JAKMIP2: variants seen among roughly 807,000 people sequenced by gnomAD.
JAKMIP2 encodes the protein janus kinase and microtubule interacting protein 2.
Under a neutral mutation model 115.0 loss-of-function variants are expected in JAKMIP2, and 25 were observed. The observed-to-expected ratio is 0.22, with a 90% CI of 0.16 to 0.30. The LOEUF is 0.30. Among genes scored for constraint, JAKMIP2 ranks in the 10% least tolerant of loss-of-function variants. JAKMIP2 has a pLI of 1.00. For missense variants in JAKMIP2, 642 were observed against 957.6 expected (o/e 0.67, Z 4.35); for synonymous variants, 334 against 343.6 (o/e 0.97, Z 0.31).
chr5:147,648,482 G>C lies in JAKMIP2; in HGVS notation c.838-8C>G. The stretch of plus-strand genomic sequence containing the variant: ...TTGATTTCTTCGCAAATCCTACAAA[G>C]AAAAATTAAAATGGGTATTTCTTCA... On this transcript the variant is annotated splice_region_variant and splice_polypyrimidine_tract_variant and intron_variant, in intron 4 of 21. Coordinates refer to ENST00000616793, the MANE Select transcript of JAKMIP2 (RefSeq NM_001270941.2). The C allele has an allele frequency of 2.0e-6, 3 of 1,517,988 alleles. No homozygotes were observed. Among genetic ancestry groups the C allele is most frequent in the Non-Finnish European group, 2.7e-6 (3 of 1,095,808 alleles). 94.0% of individuals were successfully genotyped at this position (1,517,988 alleles called of 1,614,324 possible).
rs79801275 is a variant in JAKMIP2 at position 147,639,772 on chromosome 5, GAA to G, written c.1402-14_1402-13del. The G allele has an allele frequency of 2.4e-3, 3,877 of 1,607,738 alleles. 130 individuals are homozygous for G. The East Asian group carries it at 0.065, about 27-fold the overall frequency. On this transcript the variant is annotated splice_polypyrimidine_tract_variant and intron_variant, in intron 9 of 21. Transcript: ENST00000616793. ...TCAGCTGCTAAACTCTTGAGGTTAAGAAAAAAAGCCCCAAAACAATTGTGTTA... is the reference window on the plus strand; with the variant it reads ...TCAGCTGCTAAACTCTTGAGGTTAAGAAAAAGCCCCAAAACAATTGTGTTA...
chr5:147,713,775 T>G (rs780154658), intron 1 of JAKMIP2, among the ~76,000 whole-genome samples: 1 of 152,124 alleles, frequency 6.6e-6, no homozygotes, highest in Non-Finnish European at 1.5e-5. Flanking sequence ...TTTGGCAGAC[T>G]AATGGGGGCT....
At chr5:147,694,825 C>G (rs1023843641) in intron 1 of JAKMIP2, among the ~76,000 whole-genome samples, 8 of 152,268 alleles carry the variant, frequency 5.3e-5, no homozygotes, top group Non-Finnish European at 1.0e-4. Context: ...ACAGAGTACT[C>G]AACTGTTTTG....
chr5:147,592,589 T>C (rs1454202035), intron 21 of JAKMIP2, among the ~76,000 whole-genome samples: 1 of 152,214 alleles, frequency 6.6e-6, no homozygotes, highest in Non-Finnish European at 1.5e-5. Flanking sequence ...TATCATGTCC[T>C]ACTTAAGGGA....
rs1426580961 is a variant in JAKMIP2, at chr5:147,590,166, A to T, written c.*1541T>A. On this transcript the variant is annotated 3_prime_UTR_variant, in exon 22 of 22. Transcript: ENST00000616793. ...ATGCCAGTGCTAAAACTGAAGGATG[A>T]TAGTGAACCCACATATGGAAAGATT... 3.3e-5 allele frequency: 5 copies of T among 152,192 alleles called. No individual in the cohort carries two copies. The highest frequency in any genetic ancestry group is 5.9e-5 in the Non-Finnish European group (4 of 68,046). 9.4% of individuals were successfully genotyped at this position (152,192 alleles called of 1,614,324 possible). A position where few individuals can be genotyped will look rare whatever the true frequency, so the allele number is the denominator to read the frequency against.
chr5:147,718,918 T>A (rs1460034811), intron 1 of JAKMIP2, among the ~76,000 whole-genome samples: 1 of 141,380 alleles, frequency 7.1e-6, no homozygotes, highest in African/African-American at 2.7e-5. Context: ...CTTGCTTTTC[T>A]AGTTCTTTTA....
intron 1 of JAKMIP2, among the ~76,000 whole-genome samples, chr5:147,738,050 T>C (rs1753990656): frequency 6.6e-6 from 1 of 152,138 alleles, no homozygotes. Context: ...AGCTCAACTG[T>C]GAGCACACGT....
At chr5:147,720,827 C>T (rs1387984410) in intron 1 of JAKMIP2, among the ~76,000 whole-genome samples, 1 of 152,190 alleles carries the variant, frequency 6.6e-6, no homozygotes, top group Non-Finnish European at 1.5e-5. Flanking sequence ...ATTTGATCAT[C>T]TGAAGCCTTC....
intron 1 of JAKMIP2, among the ~76,000 whole-genome samples, chr5:147,739,364 A>G (rs1424759020): frequency 6.6e-6 from 1 of 152,104 alleles, no homozygotes; most frequent in East Asian, 1.9e-4. Context: ...AGGAGGAGAA[A>G]AGCCTGCCTA....
chr5:147,614,037 A>G lies in JAKMIP2; in HGVS notation c.2347-1666T>C, dbSNP rs58587592. Among the ~76,000 whole-genome samples, 1,471 of 152,306 alleles carry G rather than the reference A, an allele frequency of 9.7e-3. 28 individuals are homozygous for G. The highest frequency in any genetic ancestry group is 0.034 in the African/African-American group (1,419 of 41,560). On this transcript the variant is annotated intron_variant, in intron 19 of 21. Transcript: ENST00000616793. Reference sequence around the variant, plus strand: ...CTAGATATTTCCACCTTGAGTGTTCACGTAATTCCTTGGCATGTCTGCTGG... The same window carrying G: ...CTAGATATTTCCACCTTGAGTGTTCGCGTAATTCCTTGGCATGTCTGCTGG...
intron 1 of JAKMIP2, among the ~76,000 whole-genome samples, chr5:147,700,669 C>G (rs1333574197): frequency 6.6e-5 from 10 of 152,122 alleles, no homozygotes; most frequent in Admixed American, 5.9e-4. Flanking sequence ...TGATCAGAAC[C>G]AAGTCTAGAT....
At chr5:147,780,673 T>C (rs79702054) in intron 1 of JAKMIP2, among the ~76,000 whole-genome samples, 527 of 152,266 alleles carry the variant, frequency 3.5e-3, no homozygotes, top group African/African-American at 0.012. Flanking sequence ...ACATGCACAA[T>C]TGAGTCACCA....
At position 147,589,978 on chromosome 5, in the gene JAKMIP2, A is replaced by G. The variant is rs554038157; in HGVS notation, c.*1729T>C. 6.6e-6 allele frequency: 1 copy of G among 152,358 alleles called. No homozygotes were observed. Among genetic ancestry groups the G allele is most frequent in the East Asian group, 1.9e-4 (1 of 5,188 alleles). 9.4% of individuals were successfully genotyped at this position (152,358 alleles called of 1,614,324 possible). On this transcript the variant is annotated 3_prime_UTR_variant, in exon 22 of 22. Transcript: ENST00000616793. ...AAATTGCAAATAAAACTTTATGAAA[A>G]AGCATTTTAACCCCATTTTGCAGAT...
intron 1 of JAKMIP2, among the ~76,000 whole-genome samples, chr5:147,694,938 A>C (rs983632827): frequency 6.6e-6 from 1 of 152,174 alleles, no homozygotes; most frequent in African/African-American, 2.4e-5. Flanking sequence ...TGTTTGTTTA[A>C]GGTTCCACAC....
chr5:147,628,672 T>C, intron 16 of JAKMIP2, 79 bp downstream of exon 16: 1 of 1,024,388 alleles, frequency 9.8e-7, no homozygotes, highest in Admixed American at 1.9e-5. Flanking sequence ...GCAGAGGGAA[T>C]GTCCTTCACA....
chr5:147,612,504 G>A (rs1288499505), intron 19 of JAKMIP2, 133 bp from the exon 20 acceptor site: 12 of 570,574 alleles, frequency 2.1e-5, no homozygotes, highest in African/African-American at 1.7e-4. Context: ...AACATCGCAT[G>A]TATGTTTTCC....
intron 1 of JAKMIP2, among the ~76,000 whole-genome samples, chr5:147,716,617 G>GCAGCA (rs1753011035): frequency 6.6e-6 from 1 of 151,400 alleles, no homozygotes; most frequent in African/African-American, 2.4e-5. Flanking sequence ...ATTTTTTCAT[G>GCAGCA]TGTTTTTTGG....
intron 1 of JAKMIP2, among the ~76,000 whole-genome samples, chr5:147,694,426 C>A (rs999707359): frequency 1.3e-5 from 2 of 152,092 alleles, no homozygotes; most frequent in Non-Finnish European, 2.9e-5. Context: ...GCAGTCATTA[C>A]CCCGGGTCAG....
chr5:147,763,336 A>G (rs888774444), intron 1 of JAKMIP2, among the ~76,000 whole-genome samples: 2 of 152,146 alleles, frequency 1.3e-5, no homozygotes, highest in Non-Finnish European at 2.9e-5. Context: ...ATTGACAAAG[A>G]GAAACACAGA....
Sources: allele counts gnomAD v4.1 joint callset (sites outside exome capture counted in the v4.1 genomes callset), GRCh38; gene constraint gnomAD v4.1.1; transcripts MANE v1.5; gene names NCBI Gene and HGNC (gene_info 2026-07-23, HGNC 2026-07-21).